PPP2R2C: variants seen among roughly 807,000 people sequenced by gnomAD.
PPP2R2C encodes protein phosphatase 2, regulatory subunit B, gamma.
PPP2R2C carries 10 observed loss-of-function variants against 45.3 expected under a neutral mutation model. That is an observed-to-expected ratio of 0.22 (90% CI 0.14 to 0.37). The LOEUF (loss-of-function observed/expected upper bound fraction) is 0.37. Ranked by LOEUF, PPP2R2C falls within the 10% of genes least tolerant of loss-of-function variation. The probability of loss-of-function intolerance (pLI) is 1.00; values close to 1 mark genes in which losing one functional copy is unlikely to be tolerated. For synonymous variants in PPP2R2C, 257 were observed against 245.4 expected (o/e 1.05, Z -0.44); for missense variants, 308 against 619.7 (o/e 0.50, Z 5.34).
intron 5 of PPP2R2C, among the ~76,000 whole-genome samples, chr4:6,363,300 C>T (rs541676144): frequency 3.3e-5 from 5 of 152,296 alleles, no homozygotes; most frequent in African/African-American, 1.2e-4. Context: ...ACCACCAGGC[C>T]AGGTGCGGTG....
intron 1 of PPP2R2C, among the ~76,000 whole-genome samples, chr4:6,431,170 C>T (rs1719595310): frequency 6.6e-6 from 1 of 152,194 alleles, no homozygotes; most frequent in African/African-American, 2.4e-5. Context: ...GTGAAAGCCA[C>T]CAGGGTGTGC....
upstream of PPP2R2C, among the ~76,000 whole-genome samples, chr4:6,563,773 C>A (rs1250089108): frequency 1.4e-5 from 2 of 138,508 alleles, no homozygotes; most frequent in South Asian, 2.2e-4. This position sits in a 1 kb window ranked among gnomAD's most constrained non-coding sequence, Gnocchi z 5.8. Context: ...AGGCTGCGAC[C>A]GCGACGGGCG....
intron 2 of PPP2R2C, among the ~76,000 whole-genome samples, chr4:6,509,344 C>A (rs918761897): frequency 2.0e-5 from 3 of 152,144 alleles, no homozygotes; most frequent in Non-Finnish European, 4.4e-5. Context: ...CCATAACCCT[C>A]CACCCACAGA....
At chr4:6,534,323 AAACACACATC>A (rs1312392935) in intron 2 of PPP2R2C, among the ~76,000 whole-genome samples, 1 of 150,212 alleles carries the variant, frequency 6.7e-6, no homozygotes. Flanking sequence ...ACACATCAAA[AAACACACATC>A]AACACACATC....
intron 1 of PPP2R2C, among the ~76,000 whole-genome samples, chr4:6,464,437 G>A (rs1721488450): frequency 6.6e-6 from 1 of 152,140 alleles, no homozygotes; most frequent in Admixed American, 6.5e-5. Context: ...CAAGACACTG[G>A]GAGAGGAGAG....
chr4:6,515,790 G>C (rs1723810650), intron 2 of PPP2R2C, among the ~76,000 whole-genome samples: 1 of 152,212 alleles, frequency 6.6e-6, no homozygotes. Context: ...GTACTGTAAA[G>C]CTGTCCTGGA....
intron 1 of PPP2R2C, among the ~76,000 whole-genome samples, chr4:6,435,239 T>C (rs1719835904): frequency 1.3e-5 from 2 of 152,232 alleles, no homozygotes; most frequent in Non-Finnish European, 1.5e-5. Flanking sequence ...TCCATATCTC[T>C]TACTGTGTTT....
At chr4:6,383,048 A>T in intron 1 of PPP2R2C, 1 of 1,086,546 alleles carries the variant, frequency 9.2e-7, no homozygotes, top group South Asian at 2.6e-5. Context: ...CCCCACCTTG[A>T]TTCTGGGCTT....
In PPP2R2C at chr4:6,394,299, T is replaced by A. The variant is rs1159295867; in HGVS notation, c.71-13205A>T. Among the ~76,000 whole-genome samples the A allele has an allele frequency of 6.6e-5, 10 of 152,192 alleles. No individual in the cohort carries two copies. The East Asian group carries it at 1.7e-3, about 26-fold the overall frequency. On this transcript the variant is annotated intron_variant, in intron 1 of 8. Coordinates refer to ENST00000382599, the MANE Select transcript of PPP2R2C (RefSeq NM_020416.4). The stretch of plus-strand genomic sequence containing the variant: ...CAGTTTCCTAATCTCTAAAATGGGT[T>A]TCATATTCAAGGTTGATGGTGAAGA...
chr4:6,429,601 G>C lies in PPP2R2C; in HGVS notation c.70+42559C>G, dbSNP rs890543642. Among the ~76,000 whole-genome samples the C allele has an allele frequency of 2.6e-5, 4 of 152,144 alleles. No individual in the cohort carries two copies. The East Asian group carries it at 7.7e-4, about 29-fold the overall frequency. ...ACCCCCTCAGTCTCGCCTGCTGCTG[G>C]GTTAAGCAGCATCTACCGTGCTGCT... is the stretch of plus-strand genomic sequence containing the variant. On this transcript the variant is annotated intron_variant, in intron 1 of 8. Coordinates refer to ENST00000382599, the MANE Select transcript of PPP2R2C (RefSeq NM_020416.4).
intron 1 of PPP2R2C, chr4:6,382,103 A>C: frequency 7.6e-7 from 1 of 1,322,280 alleles, no homozygotes. Flanking sequence ...ATTACTTTTA[A>C]TTTGAAGTCA....
upstream of PPP2R2C, among the ~76,000 whole-genome samples, chr4:6,473,231 T>C (rs749176371): frequency 9.9e-5 from 15 of 152,036 alleles, no homozygotes; most frequent in Middle Eastern, 3.4e-3. Flanking sequence ...GTGAGAAAGT[T>C]AAAGAAATAC....
At chr4:6,382,386 C>G (rs1468812866) in intron 1 of PPP2R2C, 3 of 1,348,462 alleles carry the variant, frequency 2.2e-6, no homozygotes, top group African/African-American at 3.0e-5. Flanking sequence ...CCTGTAGCCA[C>G]AGAGAGGACA....
intron 1 of PPP2R2C, among the ~76,000 whole-genome samples, chr4:6,401,131 T>C (rs1717385802): frequency 6.6e-6 from 1 of 152,204 alleles, no homozygotes; most frequent in Admixed American, 6.5e-5. Context: ...AAGTCTCAAA[T>C]TGTATTCAAC....
chr4:6,443,407 C>A (rs1259951491), intron 1 of PPP2R2C, among the ~76,000 whole-genome samples: 2 of 152,246 alleles, frequency 1.3e-5, no homozygotes, highest in Non-Finnish European at 2.9e-5. Flanking sequence ...GGATGCCATG[C>A]AGACGCTGGG....
chr4:6,547,715 G>C (rs1412164803), intron 1 of PPP2R2C, among the ~76,000 whole-genome samples: 3 of 152,144 alleles, frequency 2.0e-5, no homozygotes, highest in African/African-American at 4.8e-5. Context: ...CAGGTGCAAA[G>C]GGTGATCTTT....
chr4:6,541,802 T>C (rs1437344075), intron 1 of PPP2R2C, among the ~76,000 whole-genome samples: 1 of 152,124 alleles, frequency 6.6e-6, no homozygotes, highest in Non-Finnish European at 1.5e-5. Context: ...AGGGCTGGGA[T>C]TACAGGTGTG....
chr4:6,471,168 A>C lies in PPP2R2C; in HGVS notation c.70+992T>G, dbSNP rs898541780. Among the ~76,000 whole-genome samples, 1 of 151,862 alleles carries C rather than the reference A, an allele frequency of 6.6e-6. No individual in the cohort carries two copies. Among genetic ancestry groups the C allele is most frequent in the African/African-American group, 2.4e-5 (1 of 41,336 alleles). On this transcript the variant is annotated intron_variant, in intron 1 of 8. Transcript: ENST00000382599. The surrounding 1 kb of genome is among the most constrained non-coding windows in gnomAD (Gnocchi z 5.6). ...CAGGGCCCCTCCCACTGGGGCACCC[A>C]CCCGGGGAATCCGCGCACACTTCTG... is the stretch of plus-strand genomic sequence containing the variant.
intron 1 of PPP2R2C, among the ~76,000 whole-genome samples, chr4:6,466,146 T>C (rs1472234830): frequency 6.6e-6 from 1 of 152,152 alleles, no homozygotes; most frequent in African/African-American, 2.4e-5. Context: ...AGAAGGTGCA[T>C]GAGCTGTCCA....
Sources: allele counts gnomAD v4.1 joint callset (sites outside exome capture counted in the v4.1 genomes callset), GRCh38; gene constraint gnomAD v4.1.1; non-coding constraint Gnocchi (gnomAD v3.1); transcripts MANE v1.5; gene names NCBI Gene and HGNC (gene_info 2026-07-23, HGNC 2026-07-21).